NTSR1: variants seen among roughly 807,000 people sequenced by gnomAD.
The protein encoded by NTSR1 is neurotensin receptor 1.
NTSR1 carries 29 observed loss-of-function variants against 31.2 expected under a neutral mutation model. The ratio of observed to expected loss-of-function variants is 0.93; its 90% CI spans 0.69 to 1.27. NTSR1 has a LOEUF of 1.27. Among genes scored for constraint, NTSR1 ranks in the 50% most tolerant of loss-of-function variants. NTSR1 has a pLI of 0.00. For synonymous variants in NTSR1, 282 were observed against 269.9 expected (o/e 1.04, Z -0.44); for missense variants, 697 against 595.4 (o/e 1.17, Z -1.78).
chr20:62,731,591 A>AT (rs1320837375), intron 1 of NTSR1, among the ~76,000 whole-genome samples: 1 of 152,116 alleles, frequency 6.6e-6, no homozygotes, highest in Non-Finnish European at 1.5e-5. Flanking sequence ...ATTATCTTGC[A>AT]TTTTATATTA....
In NTSR1 at chr20:62,744,818, G is replaced by A. The variant is rs1473135235; in HGVS notation, c.715-9867G>A. Reference sequence around the variant, plus strand: ...GGAACAAGCCAGGCCCCCACTTCTGGCACCAAACCCCAGGCATTCGGCTGC... The same window carrying A: ...GGAACAAGCCAGGCCCCCACTTCTGACACCAAACCCCAGGCATTCGGCTGC... On this transcript the variant is annotated intron_variant, in intron 1 of 3. Coordinates refer to ENST00000370501, the MANE Select transcript of NTSR1 (RefSeq NM_002531.3). This position sits in a 1 kb window ranked among gnomAD's most constrained non-coding sequence, Gnocchi z 4.1. Among the ~76,000 whole-genome samples the A allele has an allele frequency of 6.6e-6, 1 of 152,140 alleles. No individual in the cohort carries two copies. Among genetic ancestry groups the A allele is most frequent in the African/African-American group, 2.4e-5 (1 of 41,416 alleles).
In NTSR1 at chr20:62,710,566, G is replaced by A. The variant is rs78927386; in HGVS notation, c.714+645G>A. Among the ~76,000 whole-genome samples, 789 of 152,290 alleles carry A rather than the reference G, an allele frequency of 5.2e-3. 10 individuals are homozygous for A. The highest frequency in any genetic ancestry group is 0.018 in the African/African-American group (751 of 41,552). On this transcript the variant is annotated intron_variant, in intron 1 of 3. Transcript: ENST00000370501. ...GGGATGGTGGGGACGATGTTTCTGC[G>A]GGGAAGGTTGTGAGGATCTGCGTGT...
At chr20:62,751,201 A>G (rs1479689224) in intron 1 of NTSR1, among the ~76,000 whole-genome samples, 2 of 152,206 alleles carry the variant, frequency 1.3e-5, no homozygotes, top group African/African-American at 4.8e-5. Flanking sequence ...TTATTTGTCA[A>G]TTATCCCTCA....
rs769573040 is a variant in NTSR1 at position 62,709,878 on chromosome 20, G to A, written c.671G>A (p.Cys224Tyr). Residue 224 changes from cysteine to tyrosine, a missense_variant, in exon 1 of 4, where the codon TGC (cysteine) becomes TAC (tyrosine). Cys to Tyr is a radical substitution (Grantham distance 194). Transcript: ENST00000370501. ...GGCCAGCACGCCGGCGGCCTGGTGT[G>A]CACCCCCACCATCCACACTGCCACC... ...ADGQHAGGLV[C>Y]TPTIHTATVK... The A allele has an allele frequency of 4.2e-5, 67 of 1,604,682 alleles. No homozygotes were observed. The highest frequency in any genetic ancestry group is 1.3e-4 in the Admixed American group (8 of 59,616).
chr20:62,760,652 G>T lies in NTSR1; in HGVS notation c.*385G>T. 1 of 181,962 alleles carries T rather than the reference G, an allele frequency of 5.5e-6. No individual in the cohort carries two copies. The highest frequency in any genetic ancestry group is 1.2e-5 in the Non-Finnish European group (1 of 85,614). 11.3% of individuals were successfully genotyped at this position (181,962 alleles called of 1,614,324 possible). ...TGCTGGGTGGGGCCGGGCCTCCGGC[G>T]GCCCGGCTGCTGTTCCCATGTCCAC... On this transcript the variant is annotated 3_prime_UTR_variant, in exon 4 of 4. Transcript: ENST00000370501.
At position 62,715,687 on chromosome 20, in the gene NTSR1, C is replaced by T. The variant is rs1325623416; in HGVS notation, c.714+5766C>T. Among the ~76,000 whole-genome samples the T allele has an allele frequency of 6.6e-6, 1 of 152,238 alleles. No individual in the cohort carries two copies. Among genetic ancestry groups the T allele is most frequent in the Middle Eastern group, 3.2e-3 (1 of 316 alleles). ...ACAGCATTCTGAGGATGTTCAACTC[C>T]AAGGACAAATGGGGTCCTGGGGCTG... On this transcript the variant is annotated intron_variant, in intron 1 of 3. Transcript: ENST00000370501. The surrounding 1 kb of genome is among the most constrained non-coding windows in gnomAD (Gnocchi z 4.7).
chr20:62,718,352 T>A (rs145768008), intron 1 of NTSR1, among the ~76,000 whole-genome samples: 9 of 151,436 alleles, frequency 5.9e-5, no homozygotes, highest in African/African-American at 1.9e-4. Flanking sequence ...AGGGTGGGGG[T>A]GGAGAAGGTG....
intron 1 of NTSR1, among the ~76,000 whole-genome samples, chr20:62,716,866 G>A (rs1266518429): frequency 6.6e-6 from 1 of 152,212 alleles, no homozygotes; most frequent in Non-Finnish European, 1.5e-5. Context: ...GGCGCTTGGT[G>A]GGGATGGTGT....
intron 1 of NTSR1, among the ~76,000 whole-genome samples, chr20:62,718,621 G>C (rs1009792666): frequency 6.0e-5 from 9 of 149,434 alleles, no homozygotes; most frequent in Admixed American, 4.7e-4. Context: ...CGAGTGAATG[G>C]AGCCAGCTGG....
chr20:62,725,419 C>T (rs865984439), intron 1 of NTSR1, among the ~76,000 whole-genome samples: 25 of 152,306 alleles, frequency 1.6e-4, no homozygotes, highest in African/African-American at 3.6e-4. Context: ...CGAGTGGGCT[C>T]GGGGCATTTG....
rs1292562272 is a variant in NTSR1, at chr20:62,711,867, G to A, written c.714+1946G>A. Among the ~76,000 whole-genome samples, 3 of 152,310 alleles carry A rather than the reference G, an allele frequency of 2.0e-5. No individual in the cohort carries two copies. In the East Asian group the frequency reaches 5.8e-4, roughly 29 times the overall value. On this transcript the variant is annotated intron_variant, in intron 1 of 3. Transcript: ENST00000370501. The surrounding 1 kb of genome is among the most constrained non-coding windows in gnomAD (Gnocchi z 6.4). ...GGCAGATTTGGCCAAGTCACGCTAC[G>A]GCCGGCCACAGGCACTCGTCCAATC...
intron 1 of NTSR1, among the ~76,000 whole-genome samples, chr20:62,735,606 C>T (rs1030225546): frequency 1.3e-5 from 2 of 152,336 alleles, no homozygotes; most frequent in South Asian, 2.1e-4. Flanking sequence ...CAGAGAGAGG[C>T]GTCCCAGCCC....
intron 1 of NTSR1, among the ~76,000 whole-genome samples, chr20:62,738,903 A>T (rs1328076189): frequency 1.3e-5 from 2 of 152,200 alleles, no homozygotes; most frequent in Non-Finnish European, 2.9e-5. Flanking sequence ...GCTCAGGGTC[A>T]CTCAGCGAGG....
Position 62,760,285 on chromosome 20 carries a change from G to A in NTSR1, c.*18G>A, listed in dbSNP as rs756303943. The A allele has an allele frequency of 3.4e-5, 54 of 1,587,520 alleles. No homozygotes were observed. The highest frequency in any genetic ancestry group is 1.6e-4 in the East Asian group (7 of 44,466). ...TGTACTAGGCTGTGCGCCCCGGAAC[G>A]TGTCCAGGAGGAGCCTGGCCATGGG... On this transcript the variant is annotated 3_prime_UTR_variant, in exon 4 of 4. Transcript: ENST00000370501.
intron 1 of NTSR1, among the ~76,000 whole-genome samples, chr20:62,738,084 C>G (rs540299556): frequency 2.9e-5 from 2 of 69,738 alleles, no homozygotes; most frequent in African/African-American, 2.2e-4. Context: ...CCCTCCTCTG[C>G]CTATGCCAGG....
At chr20:62,750,875 A>G (rs1391921556) in intron 1 of NTSR1, among the ~76,000 whole-genome samples, 1 of 152,042 alleles carries the variant, frequency 6.6e-6, no homozygotes, top group African/African-American at 2.4e-5. Flanking sequence ...TACACAGTCA[A>G]TAGATACAAA....
At position 62,709,178 on chromosome 20, in the gene NTSR1, C is replaced by G. The variant is rs1988536784; in HGVS notation, c.-30C>G. ...CCCGGACTTCCAGCCCCGGAGGCGC[C>G]GGACAGAGCCGCGGACTCCAGCGCC... is the stretch of plus-strand genomic sequence containing the variant. On this transcript the variant is annotated 5_prime_UTR_variant, in exon 1 of 4. Coordinates refer to ENST00000370501, the MANE Select transcript of NTSR1 (RefSeq NM_002531.3). 7.2e-7 allele frequency: 1 copy of G among 1,382,580 alleles called. No individual in the cohort carries two copies. The highest frequency in any genetic ancestry group is 9.3e-7 in the Non-Finnish European group (1 of 1,073,054). 85.6% of individuals were successfully genotyped at this position (1,382,580 alleles called of 1,614,324 possible). A position where few individuals can be genotyped will look rare whatever the true frequency, so the allele number is the denominator to read the frequency against.
At position 62,709,865 on chromosome 20, in the gene NTSR1, G is replaced by A. The variant is rs1330652189; in HGVS notation, c.658G>A (p.Gly220Ser). 2.5e-6 allele frequency: 4 copies of A among 1,607,584 alleles called. No individual in the cohort carries two copies. The highest frequency in any genetic ancestry group is 2.2e-5 in the South Asian group (2 of 90,876). Residue 220 changes from glycine to serine, a missense_variant, in exon 1 of 4, where the codon GGC becomes AGC. By Grantham distance (56) the Gly-to-Ser change is moderately conservative (BLOSUM62 0). Transcript: ENST00000370501. The stretch of plus-strand genomic sequence containing the variant: ...CCGCAGCGCCGACGGCCAGCACGCC[G>A]GCGGCCTGGTGTGCACCCCCACCAT... ...QNRSADGQHA[G>S]GLVCTPTIHT...
chr20:62,754,293 G>A (rs761608666), intron 1 of NTSR1, among the ~76,000 whole-genome samples: 4 of 152,326 alleles, frequency 2.6e-5, no homozygotes, highest in South Asian at 2.1e-4. Flanking sequence ...GGGCAGCCAC[G>A]TGCTTGTGGG....
Sources: gnomAD v4.1 joint callset for allele counts (sites outside exome capture counted in the v4.1 genomes callset) on GRCh38, gnomAD v4.1.1 for gene constraint, Gnocchi (gnomAD v3.1) non-coding constraint, MANE v1.5 for transcripts, NCBI Gene and HGNC (gene_info 2026-07-23, HGNC 2026-07-21) for gene names.